The following DCLK1 variants were observed in gnomAD, a reference collection of about 807,000 sequenced individuals.
The protein encoded by DCLK1 is serine/threonine-protein kinase DCLK1.
Under a neutral mutation model 86.2 loss-of-function variants are expected in DCLK1, and 16 were observed. The observed-to-expected ratio is 0.19, with a 90% CI of 0.13 to 0.28. DCLK1 has a LOEUF of 0.28. Ranked by LOEUF, DCLK1 falls within the 10% of genes least tolerant of loss-of-function variation. The pLI, the probability that DCLK1 is intolerant of heterozygous loss-of-function variation, is 1.00. For missense variants in DCLK1, 590 were observed against 940.2 expected, an observed-to-expected ratio of 0.63 and a Z score of 4.87; for synonymous variants, 369 against 370.5, an observed-to-expected ratio of 1.00 and a Z score of 0.05.
At chr13:36,084,796 A>G (rs1884537208) in intron 3 of DCLK1, among the ~76,000 whole-genome samples, 2 of 152,222 alleles carry the variant, frequency 1.3e-5, no homozygotes, top group Non-Finnish European at 2.9e-5. Flanking sequence ...GGCCTTCGCT[A>G]CTGGTTATAT....
intron 6 of DCLK1, chr13:35,850,812 G>C (rs765419080): frequency 6.5e-7 from 1 of 1,543,106 alleles, no homozygotes. Context: ...TTGTTTACTC[G>C]GCTTTCTTGG....
rs186789954 is a variant in DCLK1 at position 35,797,877 on chromosome 13, T to A, written c.1945-4398A>T. 3.1e-4 allele frequency among the ~76,000 whole-genome samples: 47 copies of A among 152,168 alleles called. No individual in the cohort carries two copies. The East Asian group carries it at 7.2e-3, about 23-fold the overall frequency. The stretch of plus-strand genomic sequence containing the variant: ...AAATAGGGACGTTAAAAACATAAAT[T>A]TATATATATACATCTTTATCACCAT... On this transcript the variant is annotated intron_variant, in intron 15 of 16. Coordinates refer to ENST00000360631, the MANE Select transcript of DCLK1 (RefSeq NM_001330071.2).
chr13:35,971,259 A>G (rs556993092), intron 3 of DCLK1, among the ~76,000 whole-genome samples: 3 of 152,324 alleles, frequency 2.0e-5, no homozygotes, highest in East Asian at 1.9e-4. Context: ...ATTGGCTTCA[A>G]TGTAACTGAA....
chr13:35,913,560 A>G (rs991634269), intron 4 of DCLK1, among the ~76,000 whole-genome samples: 2 of 152,218 alleles, frequency 1.3e-5, no homozygotes, highest in African/African-American at 2.4e-5. Flanking sequence ...GGAAATACAC[A>G]GAAAAGGCTA....
intron 11 of DCLK1, among the ~76,000 whole-genome samples, chr13:35,812,639 G>T (rs1311119937): frequency 1.3e-5 from 2 of 152,376 alleles, no homozygotes; most frequent in African/African-American, 2.4e-5. Flanking sequence ...GCAGAAGCAG[G>T]CAGTCAGATC....
At chr13:35,809,228 T>C in intron 12 of DCLK1, 133 bp from the exon 13 acceptor site, 1 of 570,728 alleles carries the variant, frequency 1.8e-6, no homozygotes, top group Non-Finnish European at 2.9e-6. Flanking sequence ...CAACAAACGC[T>C]AAACTAAAAC....
intron 6 of DCLK1, chr13:35,850,248 A>C (rs1029923237): frequency 2.0e-4 from 197 of 984,186 alleles, no homozygotes; most frequent in Non-Finnish European, 2.3e-4. Flanking sequence ...AAGCAATTCA[A>C]ATTTTAAAAA....
At chr13:36,063,536 C>T (rs1566665550) in intron 3 of DCLK1, among the ~76,000 whole-genome samples, 1 of 152,110 alleles carries the variant, frequency 6.6e-6, no homozygotes, top group Non-Finnish European at 1.5e-5. Context: ...AGTCTGGCAT[C>T]AGTTACAGAA....
intron 9 of DCLK1, 122 bp from the exon 10 acceptor site, chr13:35,827,876 C>G: frequency 2.5e-6 from 3 of 1,177,378 alleles, no homozygotes. Flanking sequence ...TGTAATAAGC[C>G]TGTCTTATAT....
intron 16 of DCLK1, among the ~76,000 whole-genome samples, chr13:35,789,925 C>A (rs2086684857): frequency 6.6e-6 from 1 of 151,784 alleles, no homozygotes; most frequent in Non-Finnish European, 1.5e-5. Flanking sequence ...AGAAAGGCAG[C>A]AGAGGGACAA....
intron 4 of DCLK1, among the ~76,000 whole-genome samples, chr13:35,924,512 C>T (rs1875992210): frequency 2.0e-5 from 3 of 152,138 alleles, no homozygotes; most frequent in Admixed American, 2.0e-4. Context: ...ATTAGCTGGG[C>T]ATGGTGGCAC....
chr13:35,792,592 C>T (rs1290646697), intron 16 of DCLK1, among the ~76,000 whole-genome samples: 1 of 148,058 alleles, frequency 6.8e-6, no homozygotes, highest in African/African-American at 2.6e-5. Flanking sequence ...AATTTACACA[C>T]TCTGAAAAAA....
At chr13:35,933,749 C>G (rs993702189) in intron 4 of DCLK1, among the ~76,000 whole-genome samples, 15 of 152,234 alleles carry the variant, frequency 9.9e-5, no homozygotes, top group African/African-American at 3.6e-4. Context: ...CCTCCTAGGC[C>G]TCCAGGCTTG....
intron 4 of DCLK1, among the ~76,000 whole-genome samples, chr13:35,878,750 A>T (rs1165964036): frequency 6.6e-6 from 1 of 151,872 alleles, no homozygotes; most frequent in Non-Finnish European, 1.5e-5. Flanking sequence ...TATCTCATGT[A>T]CTCCATAAAT....
intron 4 of DCLK1, among the ~76,000 whole-genome samples, chr13:35,883,098 G>A (rs1202395524): frequency 6.6e-6 from 1 of 152,170 alleles, no homozygotes; most frequent in African/African-American, 2.4e-5. Context: ...ACCAGATTAA[G>A]TCAAGATTGA....
chr13:35,788,817 T>G (rs1361219029), intron 16 of DCLK1, among the ~76,000 whole-genome samples: 2 of 152,168 alleles, frequency 1.3e-5, no homozygotes, highest in African/African-American at 4.8e-5. Context: ...GTGAATCTTT[T>G]CTTTTCTTTT....
intron 3 of DCLK1, among the ~76,000 whole-genome samples, chr13:35,975,064 C>G (rs1009811881): frequency 2.6e-5 from 4 of 152,148 alleles, no homozygotes; most frequent in African/African-American, 9.7e-5. Flanking sequence ...GTAAGGTCCC[C>G]AAGGGCACAA....
At chr13:36,014,948 C>T (rs973455840) in intron 3 of DCLK1, among the ~76,000 whole-genome samples, 1 of 151,950 alleles carries the variant, frequency 6.6e-6, no homozygotes, top group East Asian at 1.9e-4. Flanking sequence ...CATCCTTTTC[C>T]CCTACCATGT....
intron 3 of DCLK1, among the ~76,000 whole-genome samples, chr13:36,038,068 T>A (rs956153374): frequency 6.6e-6 from 1 of 152,144 alleles, no homozygotes; most frequent in African/African-American, 2.4e-5. Flanking sequence ...TTTTCCTAGA[T>A]ATGTCCAGTA....
Sources: allele counts gnomAD v4.1 joint callset (sites outside exome capture counted in the v4.1 genomes callset), GRCh38; gene constraint gnomAD v4.1.1; transcripts MANE v1.5; gene names NCBI Gene and HGNC (gene_info 2026-07-23, HGNC 2026-07-21).